PHGR1: variants seen among roughly 807,000 people sequenced by gnomAD.
PHGR1 encodes proline, histidine and glycine rich 1, also known as proline, histidine and glycine-rich protein 1.
Under a neutral mutation model 4.9 loss-of-function variants are expected in PHGR1, and 3 were observed. The ratio of observed to expected loss-of-function variants is 0.61; its 90% CI spans 0.28 to 1.58. The LOEUF (loss-of-function observed/expected upper bound fraction) is 1.58, where lower values mean the gene tolerates loss of function less well. Among genes scored for constraint, PHGR1 ranks in the 40% most tolerant of loss-of-function variants. The probability of loss-of-function intolerance (pLI) is 0.11; values close to 1 mark genes in which losing one functional copy is unlikely to be tolerated. For synonymous variants in PHGR1, 32 were observed against 46.1 expected (o/e 0.69, Z 1.24); for missense variants, 81 against 118.7 (o/e 0.68, Z 1.48).
At chr15:40,353,146 T>TGC (rs1555399083) in intron 1 of PHGR1, 86 bp from the exon 2 acceptor site, 22,863 of 765,326 alleles carry the variant, frequency 0.03, 1,053 homozygotes, top group Admixed American at 0.045. Context: ...TGTGTGTGTG[T>TGC]GCGCGCGCGC....
intron 2 of PHGR1, chr15:40,353,656 C>G: frequency 4.2e-6 from 1 of 239,016 alleles, no homozygotes; most frequent in Non-Finnish European, 8.3e-6. Context: ...ACCGTCCTAG[C>G]CTTTAAGAAG....
chr15:40,352,889 G>C (rs910874927), intron 1 of PHGR1, among the ~76,000 whole-genome samples: 1 of 152,186 alleles, frequency 6.6e-6, no homozygotes, highest in African/African-American at 2.4e-5. Flanking sequence ...ATCTTCCCAA[G>C]AGGAATCGGA....
intron 2 of PHGR1, 137 bp downstream of exon 2, chr15:40,353,404 G>C (rs1889239725): frequency 4.5e-6 from 5 of 1,098,954 alleles, no homozygotes; most frequent in Non-Finnish European, 5.4e-6. Context: ...GAAGGCAGTG[G>C]TAGGGGTCCA....
rs1298726816 is a variant in PHGR1 at position 40,356,185 on chromosome 15, G to A, written c.131G>A (p.Gly44Glu). ...CCCCACCATGGTCCAGGGCCCTGCG[G>A]GCCACCCCCTGGCCATGGCCCAGGG... ...PPPHHGPGPC[G>E]PPPGHGPGPC... The change falls in exon 4 of 4, where the codon GGG becomes GAG. Residue 44 changes from glycine to glutamate, a missense_variant. Gly to Glu is a moderately conservative substitution (Grantham distance 98). Coordinates refer to ENST00000448599, the MANE Select transcript of PHGR1 (RefSeq NM_001145643.2). 6.8e-7 allele frequency: 1 copy of A among 1,465,952 alleles called. No individual in the cohort carries two copies. The highest frequency in any genetic ancestry group is 9.1e-7 in the Non-Finnish European group (1 of 1,102,200). The allele number at this position is 1,465,952 out of a possible 1,614,324, so 90.8% of individuals were successfully genotyped here.
chr15:40,353,611 G>A (rs1327143306), intron 2 of PHGR1: 5 of 307,742 alleles, frequency 1.6e-5, no homozygotes, highest in East Asian at 6.2e-5. Flanking sequence ...GTTCTTGGGA[G>A]CTGTGCCATC....
rs1595719288 is a variant in PHGR1, at chr15:40,353,156, C to CGT, written c.-26-75_-26-74insTG. On this transcript the variant is annotated intron_variant, in intron 1 of 3. Coordinates refer to ENST00000448599, the MANE Select transcript of PHGR1 (RefSeq NM_001145643.2). ...GTGTGTGTGTGTGTGTGCGCGCGCG[C>CGT]GCGCATCCGTGGGAGGGAGAAAGGA... 3.0e-6 allele frequency: 4 copies of CGT among 1,350,238 alleles called. No individual in the cohort carries two copies. In the East Asian group the frequency reaches 1.0e-4, roughly 34 times the overall value. 83.6% of individuals were successfully genotyped at this position (1,350,238 alleles called of 1,614,324 possible).
chr15:40,356,177 G>T lies in PHGR1; in HGVS notation c.123G>T (p.Gly41=), dbSNP rs2141255931. The part of the protein sequence containing the change: ...PCGPPPHHGP[G]PCGPPPGHGP... Reference sequence around the variant, plus strand: ...GGCCACCCCCCCACCATGGTCCAGGGCCCTGCGGGCCACCCCCTGGCCATG... The same window carrying T: ...GGCCACCCCCCCACCATGGTCCAGGTCCCTGCGGGCCACCCCCTGGCCATG... The change falls in exon 4 of 4, where the codon GGG becomes GGT. Residue 41 remains glycine, a synonymous_variant. Coordinates refer to ENST00000448599, the MANE Select transcript of PHGR1 (RefSeq NM_001145643.2). The T allele has an allele frequency of 6.8e-7, 1 of 1,470,958 alleles. No individual in the cohort carries two copies. The highest frequency in any genetic ancestry group is 9.0e-7 in the Non-Finnish European group (1 of 1,108,524). The allele number at this position is 1,470,958 out of a possible 1,614,324, so 91.1% of individuals were successfully genotyped here. A position where few individuals can be genotyped will look rare whatever the true frequency, so the allele number is the denominator to read the frequency against.
intron 2 of PHGR1, chr15:40,353,917 T>C (rs374341277): frequency 2.3e-5 from 5 of 213,690 alleles, no homozygotes; most frequent in South Asian, 6.9e-5. Context: ...TGAGCAGAGA[T>C]TGGGCCGAGA....
chr15:40,354,280 G>GA (rs2141255046), intron 2 of PHGR1, 65 bp from the exon 3 acceptor site: 1 of 1,409,012 alleles, frequency 7.1e-7, no homozygotes, highest in South Asian at 1.3e-5. Context: ...GAGAAGACAG[G>GA]TTTTTTTTTA....
Position 40,356,367 on chromosome 15 carries a change from T to C in PHGR1, c.*64T>C. 1 of 1,549,322 alleles carries C rather than the reference T, an allele frequency of 6.5e-7. No homozygotes were observed. The highest frequency in any genetic ancestry group is 8.7e-7 in the Non-Finnish European group (1 of 1,146,238). On this transcript the variant is annotated 3_prime_UTR_variant, in exon 4 of 4. Transcript: ENST00000448599. ...AGAGAATTGCCCAGCTGACCTGGAATGAGGCCTAAACCACAATCTTCTCTT... is the reference window on the plus strand; with the variant it reads ...AGAGAATTGCCCAGCTGACCTGGAACGAGGCCTAAACCACAATCTTCTCTT...
chr15:40,353,151 G>GCC (rs1889234634), intron 1 of PHGR1, 81 bp from the exon 2 acceptor site: 2 of 1,283,420 alleles, frequency 1.6e-6, no homozygotes, highest in African/African-American at 3.0e-5. Flanking sequence ...GTGTGTGCGC[G>GCC]CGCGCGCGCA....
In PHGR1 at chr15:40,354,348, C is replaced by T. The variant is rs902425309; in HGVS notation, c.14C>T (p.Pro5Leu). 1.8e-5 allele frequency: 28 copies of T among 1,536,296 alleles called. No homozygotes were observed. The highest frequency in any genetic ancestry group is 4.8e-5 in the South Asian group (4 of 84,032). Residue 5 changes from proline (P) to leucine (L), a missense_variant, in exon 3 of 4, where the codon CCG becomes CTG. Pro to Leu is a moderately conservative substitution (Grantham distance 98, BLOSUM62 -3). Transcript: ENST00000448599. The stretch of plus-strand genomic sequence containing the variant: ...TTTTTCCCTTCCTCTCCCACAGGTC[C>T]GAAGGTAGGAAAGTTCCCCCAATGG... Reference protein sequence around the residue: MDPGPKGHCHCGGHG... With the variant: MDPGLKGHCHCGGHG...
intron 2 of PHGR1, chr15:40,353,500 G>T: frequency 1.8e-6 from 1 of 550,640 alleles, no homozygotes; most frequent in South Asian, 2.2e-5. Flanking sequence ...TGCTTCTAAG[G>T]GTAGGTGCTT....
At chr15:40,353,146 TGCGC>T (rs1555399083) in intron 1 of PHGR1, 82 bp from the exon 2 acceptor site, 17 of 776,200 alleles carry the variant, frequency 2.2e-5, no homozygotes, top group East Asian at 3.1e-5. Flanking sequence ...TGTGTGTGTG[TGCGC>T]GCGCGCGCGC....
intron 2 of PHGR1, chr15:40,353,708 C>A: frequency 4.9e-6 from 1 of 202,474 alleles, no homozygotes; most frequent in Non-Finnish European, 1.0e-5. Flanking sequence ...TCAGAACATG[C>A]AGGACCACTC....
chr15:40,356,228 C>A lies in PHGR1; in HGVS notation c.174C>A (p.Pro58=). ...GHGPGPCGPP[P]HHGPGPCGPP... ...GCCCAGGGCCCTGCGGGCCACCCCC[C>A]CACCATGGTCCAGGGCCCTGCGGGC... Residue 58 remains proline, a synonymous_variant, in exon 4 of 4, where the codon CCC becomes CCA. Coordinates refer to ENST00000448599, the MANE Select transcript of PHGR1 (RefSeq NM_001145643.2). The A allele has an allele frequency of 1.3e-6, 2 of 1,494,330 alleles. No individual in the cohort carries two copies. Among genetic ancestry groups the A allele is most frequent in the Non-Finnish European group, 1.8e-6 (2 of 1,122,008 alleles). The allele number at this position is 1,494,330 out of a possible 1,614,324, so 92.6% of individuals were successfully genotyped here. A position where few individuals can be genotyped will look rare whatever the true frequency, so the allele number is the denominator to read the frequency against.
chr15:40,353,319 G>A (rs1349595991), intron 2 of PHGR1, 52 bp downstream of exon 2: 4 of 1,550,782 alleles, frequency 2.6e-6, no homozygotes, highest in South Asian at 1.2e-5. Context: ...GAGAGCAGGA[G>A]AGCGGTAAAG....
chr15:40,355,400 G>T (rs1236241328), intron 3 of PHGR1, among the ~76,000 whole-genome samples: 1 of 152,118 alleles, frequency 6.6e-6, no homozygotes, highest in Non-Finnish European at 1.5e-5. Context: ...ACGTATCTGT[G>T]TACATACCAA....
chr15:40,353,619 A>G (rs1270163613), intron 2 of PHGR1: 6 of 294,408 alleles, frequency 2.0e-5, no homozygotes, highest in Non-Finnish European at 3.9e-5. Context: ...GAGCTGTGCC[A>G]TCGGCTTCCC....
Sources: gnomAD v4.1 joint callset for allele counts (sites outside exome capture counted in the v4.1 genomes callset) on GRCh38, gnomAD v4.1.1 for gene constraint, MANE v1.5 for transcripts, NCBI Gene and HGNC (gene_info 2026-07-23, HGNC 2026-07-21) for gene names.